SKP2: variants seen among roughly 807,000 people sequenced by gnomAD.
The protein encoded by SKP2 is S-phase kinase associated protein 2.
A neutral mutation model predicts 51.8 loss-of-function variants in SKP2; 16 were observed. That is an observed-to-expected ratio of 0.31 (90% CI 0.21 to 0.47). The LOEUF is 0.47. Ranked by LOEUF, SKP2 falls within the 20% of genes least tolerant of loss-of-function variation. The pLI is 1.00. For missense variants in SKP2, 377 were observed against 505.3 expected (o/e 0.75, Z 2.43); for synonymous variants, 176 against 198.6 (o/e 0.89, Z 0.96).
intron 6 of SKP2, among the ~76,000 whole-genome samples, chr5:36,170,659 T>G (rs1380545824): frequency 6.6e-6 from 1 of 152,202 alleles, no homozygotes; most frequent in Non-Finnish European, 1.5e-5. Context: ...ATCTCTTTTT[T>G]GTTTATTTGG....
rs1322118364 is a variant in SKP2 at position 36,191,171 on chromosome 5, C to T, written c.633-1450C>T. Among the ~76,000 whole-genome samples the T allele has an allele frequency of 7.2e-5, 11 of 152,206 alleles. No homozygotes were observed. In the East Asian group the frequency reaches 1.9e-3, roughly 27 times the overall value. On this transcript the variant is annotated intron_variant, in intron 6 of 7. Coordinates refer to the SKP2 transcript ENST00000677886. ...ATAAACTGGTGGTTAGATCTAGCAA[C>T]AAAAAGCTCTAGACCAGGGGTGATT...
intron 7 of SKP2, among the ~76,000 whole-genome samples, chr5:36,175,958 A>G (rs1470485045): frequency 2.0e-5 from 3 of 151,988 alleles, no homozygotes; most frequent in Non-Finnish European, 2.9e-5. Flanking sequence ...TAAAAAAAAA[A>G]GAAAATCAGT....
chr5:36,184,198 G>T lies in SKP2; in HGVS notation c.*2167G>T. The T allele has an allele frequency of 7.8e-6, 3 of 384,418 alleles. No individual in the cohort carries two copies. The highest frequency in any genetic ancestry group is 4.1e-5 in the East Asian group (1 of 24,468). 23.8% of individuals were successfully genotyped at this position (384,418 alleles called of 1,614,324 possible). ...CCTTTTTGACCCATCTACTTCATAT[G>T]CTTGTCACATTAAAAAAAAAAGTTT... On this transcript the variant is annotated 3_prime_UTR_variant, in exon 10 of 10. Transcript: ENST00000274255.
At chr5:36,186,522 G>A (rs1338254754), downstream of SKP2, among the ~76,000 whole-genome samples, 2 of 152,110 alleles carry the variant, frequency 1.3e-5, no homozygotes, top group African/African-American at 4.8e-5. Flanking sequence ...TTTTGTTGTT[G>A]GTTCTGTTTA....
intron 2 of SKP2, among the ~76,000 whole-genome samples, chr5:36,154,218 C>T (rs1273586114): frequency 6.6e-6 from 1 of 152,002 alleles, no homozygotes; most frequent in Non-Finnish European, 1.5e-5. Flanking sequence ...GAGAAAGCCT[C>T]AATTGGACAG....
chr5:36,168,006 A>G lies in SKP2; in HGVS notation c.537-307A>G, dbSNP rs16902773. ...CCCCTGCCAGAAACCAGGAGCCGTTATGGTCTTAATCTCCTTGTCACCCAC... is the reference window on the plus strand; with the variant it reads ...CCCCTGCCAGAAACCAGGAGCCGTTGTGGTCTTAATCTCCTTGTCACCCAC... On this transcript the variant is annotated intron_variant, in intron 4 of 9. Coordinates refer to ENST00000274255, the MANE Select transcript of SKP2 (RefSeq NM_005983.4). Among the ~76,000 whole-genome samples the G allele has an allele frequency of 9.5e-3, 1,440 of 152,196 alleles. 13 individuals carry two copies. The highest frequency in any genetic ancestry group is 0.033 in the African/African-American group (1,360 of 41,506).
At position 36,152,790 on chromosome 5, in the gene SKP2, C is replaced by G; in HGVS notation, c.28C>G (p.Pro10Ala). MHRKHLQEIPDLSSNVATSF... is the reference protein window; with the variant it reads MHRKHLQEIADLSSNVATSF... Reference sequence around the variant, plus strand: ...CTGCAGGAAGCACCTCCAGGAGATTCCAGACCTGAGTAGCAACGTTGCCAC... The same window carrying G: ...CTGCAGGAAGCACCTCCAGGAGATTGCAGACCTGAGTAGCAACGTTGCCAC... The change falls in exon 2 of 10, where the codon CCA becomes GCA. Residue 10 changes from proline (P) to alanine (A), a missense_variant. By Grantham distance (27) the Pro-to-Ala change is conservative (BLOSUM62 -1). This residue lies in a region of SKP2 where 115 missense variants were observed against 115.5 expected (regional missense o/e 1.00). Transcript: ENST00000274255. 3.1e-6 allele frequency: 5 copies of G among 1,613,830 alleles called. No homozygotes were observed. The highest frequency in any genetic ancestry group is 3.4e-6 in the Non-Finnish European group (4 of 1,180,026).
intron 2 of SKP2, among the ~76,000 whole-genome samples, chr5:36,161,105 G>T (rs155543): frequency 0.13 from 19,367 of 151,976 alleles, 1,878 homozygotes; most frequent in African/African-American, 0.27. Flanking sequence ...ATCAGGATAG[G>T]TTATTGAAGT....
intron 2 of SKP2, among the ~76,000 whole-genome samples, chr5:36,159,898 G>A (rs976397826): frequency 6.6e-6 from 1 of 152,204 alleles, no homozygotes; most frequent in African/African-American, 2.4e-5. Flanking sequence ...TGCAGACCTT[G>A]TCCAGTGTCT....
chr5:36,177,064 T>C (rs756058297), intron 8 of SKP2, 48 bp downstream of exon 8: 13 of 1,430,824 alleles, frequency 9.1e-6, no homozygotes, highest in Non-Finnish European at 1.3e-5. Context: ...AAAATCTTGA[T>C]TTCTCATTAA....
chr5:36,161,710 C>T (rs1044993209), intron 2 of SKP2, among the ~76,000 whole-genome samples: 1 of 152,166 alleles, frequency 6.6e-6, no homozygotes, highest in Non-Finnish European at 1.5e-5. Context: ...CTGCCCAGGG[C>T]AGCAGGTGTT....
chr5:36,190,670 C>A (rs1380710264), intron 6 of SKP2, among the ~76,000 whole-genome samples: 1 of 85,700 alleles, frequency 1.2e-5, no homozygotes. Flanking sequence ...TGATGAAAAA[C>A]GTCAAACATA....
chr5:36,180,202 T>A (rs771693858), intron 9 of SKP2: 1 of 1,165,428 alleles, frequency 8.6e-7, no homozygotes, highest in Admixed American at 1.9e-5. Flanking sequence ...CTAATTTGGA[T>A]ATACCAGAAC....
At chr5:36,187,970 A>T (rs1291804023), downstream of SKP2, among the ~76,000 whole-genome samples, 1 of 152,088 alleles carries the variant, frequency 6.6e-6, no homozygotes, top group Admixed American at 6.5e-5. Context: ...TGTTGAATTG[A>T]TCCCTTTACC....
chr5:36,189,578 G>A (rs186333901), intron 6 of SKP2, among the ~76,000 whole-genome samples: 22 of 152,296 alleles, frequency 1.4e-4, no homozygotes, highest in Non-Finnish European at 1.5e-5. Context: ...CGTTCCTCTG[G>A]AAGTTTCATC....
At chr5:36,168,534 C>G in intron 5 of SKP2, 87 bp downstream of exon 5, 1 of 1,280,652 alleles carries the variant, frequency 7.8e-7, no homozygotes, top group Non-Finnish European at 1.1e-6. Flanking sequence ...GCCCTTCTAG[C>G]CATATCCAGG....
At chr5:36,175,828 AC>A (rs1283521572) in intron 7 of SKP2, among the ~76,000 whole-genome samples, 1 of 152,070 alleles carries the variant, frequency 6.6e-6, no homozygotes, top group Non-Finnish European at 1.5e-5. Flanking sequence ...AACATATTAA[AC>A]TAACTGGAGG....
chr5:36,167,388 C>G (rs1745320421), intron 4 of SKP2, among the ~76,000 whole-genome samples: 1 of 152,168 alleles, frequency 6.6e-6, no homozygotes, highest in Non-Finnish European at 1.5e-5. Context: ...GTGATTTCCT[C>G]TGTTCACTCC....
chr5:36,176,548 A>T (rs959589812), intron 7 of SKP2, among the ~76,000 whole-genome samples: 1 of 151,450 alleles, frequency 6.6e-6, no homozygotes, highest in African/African-American at 2.4e-5. Context: ...TTGGAGAAAT[A>T]TTTTTTTCCA....
Sources: gnomAD v4.1 joint callset for allele counts (sites outside exome capture counted in the v4.1 genomes callset) on GRCh38, gnomAD v4.1.1 for gene constraint, gnomAD v4.1.1 regional missense constraint, MANE v1.5 for transcripts, NCBI Gene and HGNC (gene_info 2026-07-23, HGNC 2026-07-21) for gene names.